Variants in SLC4A10 observed in about 807,000 individuals in gnomAD.
The protein encoded by SLC4A10 is sodium-driven chloride bicarbonate exchanger.
In SLC4A10, 42 loss-of-function variants were observed where a neutral mutation model predicts 137.7. The ratio of observed to expected loss-of-function variants is 0.30; its 90% CI spans 0.24 to 0.39. The LOEUF (loss-of-function observed/expected upper bound fraction) is 0.39. Ranked by LOEUF, SLC4A10 falls within the 10% of genes least tolerant of loss-of-function variation. The pLI is 1.00. For missense variants in SLC4A10, 925 were observed against 1,355.0 expected, an observed-to-expected ratio of 0.68 and a Z score of 4.98; for synonymous variants, 474 against 464.1, an observed-to-expected ratio of 1.02 and a Z score of -0.27.
At chr2:161,959,565 C>T (rs1034515630) in intron 21 of SLC4A10, among the ~76,000 whole-genome samples, 1 of 151,978 alleles carries the variant, frequency 6.6e-6, no homozygotes, top group African/African-American at 2.4e-5. Flanking sequence ...CTTAGTGTGT[C>T]CTCAAACCAT....
Position 161,965,059 on chromosome 2 carries a change from C to T in SLC4A10, c.3045C>T (p.Ala1015=). The change falls in exon 23 of 27, where the codon GCC becomes GCT. Residue 1015 remains alanine (A), a synonymous_variant. Transcript: ENST00000446997. ...TTTATTATTTACTTCAGGTGTTAGCCCTGGTATTTGTAAGAAAGTTGATGG... is the reference window on the plus strand; with the variant it reads ...TTTATTATTTACTTCAGGTGTTAGCTCTGGTATTTGTAAGAAAGTTGATGG... ...AAIVFPMMVL[A]LVFVRKLMDL... 2.4e-5 allele frequency: 38 copies of T among 1,610,408 alleles called. No homozygotes were observed. Among genetic ancestry groups the T allele is most frequent in the Non-Finnish European group, 3.2e-5 (38 of 1,177,884 alleles).
At position 161,905,657 on chromosome 2, in the gene SLC4A10, A is replaced by G. The variant is rs189993378; in HGVS notation, c.1767A>G (p.Ser589=). The change falls in exon 15 of 27, where the codon TCA becomes TCG. Residue 589 remains serine (S), a synonymous_variant. Transcript: ENST00000446997. ...CTCCTCCCAGAGAATATGGGCTGTC[A>G]TACCTATCTTTAAGAGCTAGCATTG... ...LFKFCKEYGL[S]YLSLRASIGL... 190 of 1,609,662 alleles carry G rather than the reference A, an allele frequency of 1.2e-4. No homozygotes were observed. In the African/African-American group the frequency reaches 2.4e-3, roughly 20 times the overall value.
intron 5 of SLC4A10, among the ~76,000 whole-genome samples, chr2:161,856,894 G>A (rs528625465): frequency 2.0e-5 from 3 of 152,212 alleles, no homozygotes; most frequent in Non-Finnish European, 4.4e-5. Context: ...CGCTTAAATC[G>A]ATGATGGCGC....
intron 1 of SLC4A10, among the ~76,000 whole-genome samples, chr2:161,718,061 C>T (rs1017960959): frequency 1.3e-5 from 2 of 152,086 alleles, no homozygotes; most frequent in African/African-American, 4.8e-5. Flanking sequence ...AGGAATTTAT[C>T]CATTTCTCCT....
At chr2:161,790,275 A>G (rs969137683) in intron 2 of SLC4A10, among the ~76,000 whole-genome samples, 3 of 152,170 alleles carry the variant, frequency 2.0e-5, no homozygotes, top group Non-Finnish European at 4.4e-5. Context: ...TAATTAGGAA[A>G]GCCACTCTCC....
Position 161,879,226 on chromosome 2 carries a change from G to T in SLC4A10, c.1044G>T (p.Ala348=), listed in dbSNP as rs371864984. Residue 348 remains alanine (A), a synonymous_variant, in exon 9 of 27, where the codon GCG becomes GCT. Coordinates refer to ENST00000446997, the MANE Select transcript of SLC4A10 (RefSeq NM_001178015.2). ...AGTTCTTGGATCGAACAGTAGTTGCGTTTGTCAGGTTGTCTCCAGCTGTAT... is the reference window on the plus strand; with the variant it reads ...AGTTCTTGGATCGAACAGTAGTTGCTTTTGTCAGGTTGTCTCCAGCTGTAT... The part of the protein sequence containing the change: ...ELEFLDRTVV[A]FVRLSPAVLL... The T allele has an allele frequency of 6.2e-7, 1 of 1,613,152 alleles. No homozygotes were observed. The highest frequency in any genetic ancestry group is 8.5e-7 in the Non-Finnish European group (1 of 1,179,408).
intron 1 of SLC4A10, among the ~76,000 whole-genome samples, chr2:161,640,596 C>CCTTT (rs1252588263): frequency 1.6e-4 from 15 of 96,184 alleles, no homozygotes; most frequent in African/African-American, 6.7e-4. Flanking sequence ...CTCTTTCTTT[C>CCTTT]CTTCCTTCCT....
intron 21 of SLC4A10, among the ~76,000 whole-genome samples, chr2:161,961,200 T>C (rs1457576181): frequency 6.6e-6 from 1 of 152,208 alleles, no homozygotes; most frequent in Non-Finnish European, 1.5e-5. Flanking sequence ...GGGATCTCTG[T>C]TCCTGAGCAA....
chr2:161,926,242 T>G (rs1245340092), intron 15 of SLC4A10, among the ~76,000 whole-genome samples: 2 of 150,322 alleles, frequency 1.3e-5, no homozygotes, highest in African/African-American at 4.8e-5. Flanking sequence ...GCTCCTGTAT[T>G]AGATACATAT....
At chr2:161,724,350 G>A (rs1477577795) in intron 1 of SLC4A10, among the ~76,000 whole-genome samples, 4 of 152,164 alleles carry the variant, frequency 2.6e-5, no homozygotes, top group Admixed American at 2.0e-4. Flanking sequence ...GGCACTTAGT[G>A]CTTATTGGTC....
At chr2:161,747,092 A>C (rs2048466211) in intron 1 of SLC4A10, among the ~76,000 whole-genome samples, 1 of 151,990 alleles carries the variant, frequency 6.6e-6, no homozygotes. Context: ...ATGCACCCCA[A>C]ACCTACTGGC....
intron 4 of SLC4A10, 137 bp from the exon 5 acceptor site, chr2:161,854,833 A>G (rs1222076324): frequency 4.1e-6 from 3 of 734,056 alleles, no homozygotes; most frequent in African/African-American, 3.7e-5. Context: ...GGCTTAGACT[A>G]GCTTTTATAT....
chr2:161,707,152 C>T (rs2043764013), intron 1 of SLC4A10, among the ~76,000 whole-genome samples: 1 of 151,430 alleles, frequency 6.6e-6, no homozygotes, highest in Non-Finnish European at 1.5e-5. Flanking sequence ...TATTTGTTTA[C>T]ATGTGATTTT....
At chr2:161,859,594 C>CTTTTTTTTTTTTTTTTTTTTTTTTTT (rs72003642) in intron 5 of SLC4A10, among the ~76,000 whole-genome samples, 2 of 47,278 alleles carry the variant, frequency 4.2e-5, no homozygotes, top group Non-Finnish European at 7.5e-5. Flanking sequence ...CTTTTCTTTT[C>CTTTTTTTTTTTTTTTTTTTTTTTTTT]TTTTTTTTTT....
intron 3 of SLC4A10, among the ~76,000 whole-genome samples, chr2:161,835,329 G>A (rs991396642): frequency 1.3e-5 from 2 of 152,058 alleles, no homozygotes; most frequent in Admixed American, 6.6e-5. Flanking sequence ...GAACCACTGC[G>A]CCCGGCCAAG....
At chr2:161,783,859 T>A (rs570931090) in intron 2 of SLC4A10, among the ~76,000 whole-genome samples, 2 of 151,840 alleles carry the variant, frequency 1.3e-5, no homozygotes, top group South Asian at 4.2e-4. Context: ...ATTACAAGGC[T>A]AACAGAAAAC....
At chr2:161,921,394 G>T (rs1688105932) in intron 15 of SLC4A10, among the ~76,000 whole-genome samples, 1 of 151,986 alleles carries the variant, frequency 6.6e-6, no homozygotes, top group Non-Finnish European at 1.5e-5. Flanking sequence ...ACAAGGCTCT[G>T]GGAAGAATTA....
chr2:161,969,580 T>C (rs139732225), intron 23 of SLC4A10, among the ~76,000 whole-genome samples: 1 of 152,252 alleles, frequency 6.6e-6, no homozygotes, highest in African/African-American at 2.4e-5. Flanking sequence ...GCAGAATGTT[T>C]GCTCCTGGGT....
intron 26 of SLC4A10, among the ~76,000 whole-genome samples, chr2:161,979,622 G>A (rs999071438): frequency 6.6e-6 from 1 of 152,164 alleles, no homozygotes; most frequent in African/African-American, 2.4e-5. Flanking sequence ...TAAAACTACT[G>A]ATACTAATAA....
Sources: allele counts gnomAD v4.1 joint callset (sites outside exome capture counted in the v4.1 genomes callset), GRCh38; gene constraint gnomAD v4.1.1; transcripts MANE v1.5; gene names NCBI Gene and HGNC (gene_info 2026-07-23, HGNC 2026-07-21).